Variants in PRKG1 observed in about 807,000 individuals in gnomAD.
PRKG1 encodes the protein cGMP-dependent protein kinase 1.
Under a neutral mutation model 88.1 loss-of-function variants are expected in PRKG1, and 35 were observed. The observed-to-expected ratio is 0.40, with a 90% CI of 0.30 to 0.53. The LOEUF (loss-of-function observed/expected upper bound fraction) is 0.53. Among genes scored for constraint, PRKG1 ranks in the 20% least tolerant of loss-of-function variants. The probability of loss-of-function intolerance (pLI) is 0.59; values close to 1 mark genes in which losing one functional copy is unlikely to be tolerated. For synonymous variants in PRKG1, 303 were observed against 292.5 expected (o/e 1.04, Z -0.37); for missense variants, 540 against 839.8 (o/e 0.64, Z 4.41).
intron 3 of PRKG1, among the ~76,000 whole-genome samples, chr10:51,703,337 G>A (rs1258409413): frequency 1.3e-5 from 2 of 152,192 alleles, no homozygotes; most frequent in Admixed American, 1.3e-4. Flanking sequence ...AGTAATGACA[G>A]TCATTTTTGA....
intron 2 of PRKG1, among the ~76,000 whole-genome samples, chr10:51,377,306 C>T (rs144084960): frequency 2.3e-3 from 351 of 152,244 alleles, no homozygotes; most frequent in African/African-American, 8.0e-3. Flanking sequence ...GCTTTGTTAT[C>T]TGTAAAATAA....
chr10:52,043,931 A>C lies in PRKG1; in HGVS notation c.763-10553A>C, dbSNP rs74398565. Among the ~76,000 whole-genome samples the C allele has an allele frequency of 8.7e-5, 13 of 149,668 alleles. No individual in the cohort carries two copies. In the South Asian group the frequency reaches 1.3e-3, roughly 15 times the overall value. ...AGTTAAACATAGAAAAAAAAAAAAA[A>C]CCCAAGCATTTGTGGAATTTCAGCC... is the stretch of plus-strand genomic sequence containing the variant. On this transcript the variant is annotated intron_variant, in intron 5 of 17. Coordinates refer to ENST00000373980, the MANE Select transcript of PRKG1 (RefSeq NM_006258.4).
intron 6 of PRKG1, among the ~76,000 whole-genome samples, chr10:52,058,068 T>C (rs1331760500): frequency 6.6e-6 from 1 of 151,958 alleles, no homozygotes; most frequent in African/African-American, 2.4e-5. Context: ...TAGACATATA[T>C]ATTATTAAAA....
At chr10:51,131,602 G>A (rs571421424) in intron 1 of PRKG1, among the ~76,000 whole-genome samples, 6 of 152,090 alleles carry the variant, frequency 3.9e-5, no homozygotes, top group Admixed American at 2.0e-4. Flanking sequence ...ATACATACGT[G>A]CATACATACA....
At chr10:51,561,109 G>T (rs892141879) in intron 3 of PRKG1, among the ~76,000 whole-genome samples, 5 of 151,466 alleles carry the variant, frequency 3.3e-5, no homozygotes, top group African/African-American at 1.2e-4. Context: ...GAAAAGAAAA[G>T]AAAAAGAAAA....
intron 7 of PRKG1, among the ~76,000 whole-genome samples, chr10:52,096,886 G>A (rs1239343038): frequency 6.6e-6 from 1 of 152,060 alleles, no homozygotes; most frequent in African/African-American, 2.4e-5. Context: ...AGTTTCTGTT[G>A]TTATCCTTGT....
At chr10:51,857,089 T>C (rs1196449360) in intron 4 of PRKG1, among the ~76,000 whole-genome samples, 1 of 152,210 alleles carries the variant, frequency 6.6e-6, no homozygotes, top group Admixed American at 6.5e-5. Flanking sequence ...ATACTCACAA[T>C]TATGATACAG....
chr10:51,564,087 A>C (rs945797061), intron 3 of PRKG1, among the ~76,000 whole-genome samples: 3 of 152,086 alleles, frequency 2.0e-5, no homozygotes, highest in Non-Finnish European at 4.4e-5. Flanking sequence ...AACTATTTTT[A>C]ATTATATTCT....
At chr10:51,259,130 A>G (rs1284884041) in intron 2 of PRKG1, among the ~76,000 whole-genome samples, 1 of 152,170 alleles carries the variant, frequency 6.6e-6, no homozygotes, top group Non-Finnish European at 1.5e-5. Flanking sequence ...AAAATACAGC[A>G]TATTTTTGTA....
intron 3 of PRKG1, among the ~76,000 whole-genome samples, chr10:51,715,850 G>C (rs564165644): frequency 6.6e-6 from 1 of 152,222 alleles, no homozygotes; most frequent in African/African-American, 2.4e-5. Flanking sequence ...TCCATCAAAA[G>C]TGTTGACATT....
intron 9 of PRKG1, among the ~76,000 whole-genome samples, chr10:52,241,878 C>T (rs1840871172): frequency 6.6e-6 from 1 of 152,168 alleles, no homozygotes; most frequent in Admixed American, 6.5e-5. Flanking sequence ...GAATACCCTC[C>T]ATTTAACAAA....
At chr10:51,076,524 C>T (rs1589134976) in intron 1 of PRKG1, among the ~76,000 whole-genome samples, 1 of 152,126 alleles carries the variant, frequency 6.6e-6, no homozygotes, top group African/African-American at 2.4e-5. Context: ...TTTTTGTATC[C>T]GCAGGACTTT....
At chr10:52,278,951 C>T (rs1025786472) in intron 12 of PRKG1, among the ~76,000 whole-genome samples, 1 of 151,268 alleles carries the variant, frequency 6.6e-6, no homozygotes, top group Non-Finnish European at 1.5e-5. Context: ...TAAAATAAGA[C>T]CATTCCCTTT....
chr10:51,450,530 CAACT>C (rs1050663002), intron 2 of PRKG1, among the ~76,000 whole-genome samples: 2 of 151,944 alleles, frequency 1.3e-5, no homozygotes, highest in African/African-American at 4.8e-5. Flanking sequence ...GTGCTCCAGC[CAACT>C]AACTTACATG....
chr10:51,850,489 T>A (rs1422875211), intron 4 of PRKG1, among the ~76,000 whole-genome samples: 2 of 143,658 alleles, frequency 1.4e-5, no homozygotes, highest in East Asian at 3.9e-4. Flanking sequence ...TGTTGCAATT[T>A]TATATATATA....
chr10:52,252,206 T>C (rs1841188775), intron 10 of PRKG1: 1 of 152,782 alleles, frequency 6.5e-6, no homozygotes, highest in South Asian at 2.1e-4. Context: ...ACTGTCTGTA[T>C]ACATATGTAT....
intron 2 of PRKG1, among the ~76,000 whole-genome samples, chr10:51,456,254 T>C (rs892670516): frequency 9.9e-5 from 15 of 152,126 alleles, no homozygotes; most frequent in African/African-American, 3.6e-4. Flanking sequence ...GATTTAATTA[T>C]CTCCCACTAG....
chr10:52,065,573 G>A (rs1238101495), intron 7 of PRKG1, among the ~76,000 whole-genome samples: 1 of 151,914 alleles, frequency 6.6e-6, no homozygotes, highest in Non-Finnish European at 1.5e-5. Flanking sequence ...ATCTTACTCA[G>A]GCTATATTAC....
Position 52,126,854 on chromosome 10 carries a change from C to T in PRKG1, c.936-6986C>T, listed in dbSNP as rs527301836. On this transcript the variant is annotated intron_variant, in intron 7 of 17. Coordinates refer to ENST00000373980, the MANE Select transcript of PRKG1 (RefSeq NM_006258.4). ...CAGCAGAGGGTCGTCAGTATAGTGC[C>T]TGGAAAGGTGATAGATCAGACAGTT... Among the ~76,000 whole-genome samples the T allele has an allele frequency of 2.0e-5, 3 of 152,266 alleles. No homozygotes were observed. In the South Asian group the frequency reaches 6.2e-4, roughly 32 times the overall value.
Sources: gnomAD v4.1 joint callset for allele counts (sites outside exome capture counted in the v4.1 genomes callset) on GRCh38, gnomAD v4.1.1 for gene constraint, MANE v1.5 for transcripts, NCBI Gene and HGNC (gene_info 2026-07-23, HGNC 2026-07-21) for gene names.